The following PTPRS variants were observed in gnomAD, a reference collection of about 807,000 sequenced individuals.
PTPRS encodes the protein receptor-type tyrosine-protein phosphatase S.
In PTPRS, 63 loss-of-function variants were observed where a neutral mutation model predicts 215.3. The observed-to-expected ratio is 0.29, with a 90% CI of 0.24 to 0.36. The LOEUF is 0.36. Among genes scored for constraint, PTPRS ranks in the 10% least tolerant of loss-of-function variants. The pLI, the probability that PTPRS is intolerant of heterozygous loss-of-function variation, is 1.00. For synonymous variants in PTPRS, 1,404 were observed against 1,191.4 expected (o/e 1.18, Z -3.68); for missense variants, 2,258 against 2,825.8 (o/e 0.80, Z 4.56).
chr19:5,218,181 C>T (rs2041655225), intron 25 of PTPRS, among the ~76,000 whole-genome samples: 1 of 149,206 alleles, frequency 6.7e-6, no homozygotes, highest in African/African-American at 2.5e-5. Context: ...AGGACAGCAG[C>T]CATTGGTTAA....
rs1199077891 is a variant in PTPRS at position 5,316,253 on chromosome 19, C to G, written c.-95+24411G>C. On this transcript the variant is annotated intron_variant, in intron 1 of 37. Coordinates refer to ENST00000262963, the MANE Select transcript of PTPRS (RefSeq NM_002850.4). ...CTCTTTTGGACACAGGTTTTGAACA[C>G]TTTTCTTTCCTGAACTACATACGTA... Among the ~76,000 whole-genome samples the G allele has an allele frequency of 2.0e-5, 3 of 152,118 alleles. No individual in the cohort carries two copies. In the East Asian group the frequency reaches 5.8e-4, roughly 29 times the overall value.
intron 9 of PTPRS, among the ~76,000 whole-genome samples, chr19:5,250,162 G>A (rs548345611): frequency 6.0e-4 from 92 of 152,336 alleles, no homozygotes; most frequent in African/African-American, 2.2e-3. Context: ...TGACACCTAA[G>A]AAACTTGCCC....
In PTPRS at chr19:5,214,466, C is replaced by T. The variant is rs1172481657; in HGVS notation, c.4509G>A (p.Gln1503=). The change falls in exon 30 of 38, where the codon CAG becomes CAA. Residue 1503 remains glutamine, a synonymous_variant. Transcript: ENST00000262963. ...TCTCCGTGCCTCTGTTGGGCCAATA[C>T]TGATCACACTTGATCTGTATCGGGC... is the stretch of plus-strand genomic sequence containing the variant. ...LEEKSRIKCD[Q]YWPNRGTETY... The T allele has an allele frequency of 2.5e-6, 4 of 1,614,042 alleles. No homozygotes were observed. The highest frequency in any genetic ancestry group is 1.1e-5 in the South Asian group (1 of 91,092).
chr19:5,223,775 T>A (rs1364742959), intron 17 of PTPRS, among the ~76,000 whole-genome samples: 1 of 148,750 alleles, frequency 6.7e-6, no homozygotes, highest in Non-Finnish European at 1.5e-5. Flanking sequence ...TTGGCCAGGC[T>A]GGTCTTGAAC....
chr19:5,273,133 C>A, intron 4 of PTPRS: 1 of 370,242 alleles, frequency 2.7e-6, no homozygotes, highest in South Asian at 3.0e-5. Context: ...TAATTCTGCA[C>A]ATCAATTACC....
chr19:5,334,858 A>C (rs572196550), intron 1 of PTPRS, among the ~76,000 whole-genome samples: 3 of 152,286 alleles, frequency 2.0e-5, no homozygotes, highest in East Asian at 3.9e-4. Context: ...CTCCGCTGAC[A>C]GGGGACGGCA....
chr19:5,259,457 A>C (rs2045818864), intron 7 of PTPRS, among the ~76,000 whole-genome samples: 1 of 152,236 alleles, frequency 6.6e-6, no homozygotes, highest in Non-Finnish European at 1.5e-5. Flanking sequence ...CCTCATTTTC[A>C]CCAGTAAATG....
chr19:5,270,148 C>A (rs1268233772), intron 4 of PTPRS, among the ~76,000 whole-genome samples: 6 of 152,146 alleles, frequency 3.9e-5, no homozygotes. Flanking sequence ...CACGGTGGGC[C>A]TGACTCCGCC....
At chr19:5,220,378 G>C (rs1262418217) in intron 20 of PTPRS, 25 bp from the exon 21 acceptor site, 3 of 1,593,244 alleles carry the variant, frequency 1.9e-6, no homozygotes, top group African/African-American at 2.7e-5. Context: ...GAAAGAGTCA[G>C]AGGGGCTGTC....
intron 1 of PTPRS, among the ~76,000 whole-genome samples, chr19:5,315,381 T>TG (rs2049843821): frequency 1.6e-5 from 2 of 127,726 alleles, no homozygotes; most frequent in African/African-American, 3.3e-5. Flanking sequence ...TTTTTTTTTT[T>TG]GAGACAGAGT....
intron 14 of PTPRS, among the ~76,000 whole-genome samples, chr19:5,230,716 C>G (rs1036460309): frequency 6.6e-6 from 1 of 152,160 alleles, no homozygotes; most frequent in Non-Finnish European, 1.5e-5. Context: ...CTGCCTTGGC[C>G]TCTCAGAGTG....
At chr19:5,209,024 C>T (rs916308086) in intron 35 of PTPRS, among the ~76,000 whole-genome samples, 3 of 152,000 alleles carry the variant, frequency 2.0e-5, no homozygotes, top group Non-Finnish European at 4.4e-5. Flanking sequence ...CATCCAACAC[C>T]ATCATCTTCC....
At chr19:5,248,785 G>A (rs531870933) in intron 9 of PTPRS, among the ~76,000 whole-genome samples, 17 of 152,336 alleles carry the variant, frequency 1.1e-4, no homozygotes, top group African/African-American at 3.8e-4. Flanking sequence ...GGCTGAATGA[G>A]CCCAGTGGCC....
At position 5,215,328 on chromosome 19, in the gene PTPRS, C is replaced by T. The variant is rs114545401; in HGVS notation, c.4279G>A (p.Ala1427Thr). The change falls in exon 28 of 38, where the codon GCC becomes ACC. Residue 1427 changes from alanine to threonine, a missense_variant. Coordinates refer to ENST00000262963, the MANE Select transcript of PTPRS (RefSeq NM_002850.4). ...AGGATGACACGGGAGTGGTCATAGG[C>T]GATGACGTTGGCATAGCGGTTCTTC... Reference protein sequence around the residue: ...KPKNRYANVIAYDHSRVILQP... With the variant: ...KPKNRYANVITYDHSRVILQP... The T allele has an allele frequency of 2.8e-5, 46 of 1,614,118 alleles. No homozygotes were observed. Among genetic ancestry groups the T allele is most frequent in the Middle Eastern group, 3.3e-4 (2 of 6,062 alleles).
intron 1 of PTPRS, among the ~76,000 whole-genome samples, chr19:5,328,404 C>A (rs1380846238): frequency 6.6e-6 from 1 of 152,038 alleles, no homozygotes; most frequent in Non-Finnish European, 1.5e-5. Context: ...ACCACCACAG[C>A]TGGCTGTATT....
intron 1 of PTPRS, among the ~76,000 whole-genome samples, chr19:5,310,878 G>A (rs1207010361): frequency 2.6e-5 from 4 of 151,522 alleles, no homozygotes; most frequent in African/African-American, 9.7e-5. Flanking sequence ...GCTAATTTTT[G>A]TATTTTTATT....
At chr19:5,262,324 C>T (rs34295059) in intron 6 of PTPRS, among the ~76,000 whole-genome samples, 2,293 of 152,286 alleles carry the variant, frequency 0.015, 32 homozygotes, top group Non-Finnish European at 0.024. Context: ...GCTATTCTAT[C>T]AAGTGGAAAC....
chr19:5,212,814 G>C (rs1419497548), intron 30 of PTPRS, among the ~76,000 whole-genome samples: 1 of 150,342 alleles, frequency 6.7e-6, no homozygotes, highest in Admixed American at 6.6e-5. Context: ...CTGTACTCCA[G>C]CCTGGGTGAC....
chr19:5,305,740 TA>T (rs2049461731), intron 1 of PTPRS, among the ~76,000 whole-genome samples: 1 of 72,564 alleles, frequency 1.4e-5, no homozygotes, highest in Non-Finnish European at 2.7e-5. Context: ...GAAAAATAAA[TA>T]AATAAATATA....
Sources: allele counts gnomAD v4.1 joint callset (sites outside exome capture counted in the v4.1 genomes callset), GRCh38; gene constraint gnomAD v4.1.1; transcripts MANE v1.5; gene names NCBI Gene and HGNC (gene_info 2026-07-23, HGNC 2026-07-21).